Variants in MYO5B observed in about 807,000 individuals in gnomAD.
The protein encoded by MYO5B is myosin VB.
In MYO5B, 143 loss-of-function variants were observed where a neutral mutation model predicts 229.3. That is an observed-to-expected ratio of 0.62 (90% CI 0.54 to 0.72). The LOEUF (loss-of-function observed/expected upper bound fraction) is 0.72. MYO5B is among the 30% of genes least tolerant of loss of function. MYO5B has a pLI of 0.00. For synonymous variants in MYO5B, 918 were observed against 885.2 expected (o/e 1.04, Z -0.66); for missense variants, 2,321 against 2,331.0 (o/e 1.00, Z 0.09).
Position 49,895,160 on chromosome 18 carries a change from C to T in MYO5B, c.2826G>A (p.Lys942=). 1 of 1,613,856 alleles carries T rather than the reference C, an allele frequency of 6.2e-7. No individual in the cohort carries two copies. Among genetic ancestry groups the T allele is most frequent in the Non-Finnish European group, 8.5e-7 (1 of 1,179,850 alleles). The change falls in exon 22 of 40, where the codon AAG becomes AAA. Residue 942 remains lysine, a synonymous_variant. Coordinates refer to ENST00000285039, the MANE Select transcript of MYO5B (RefSeq NM_001080467.3). ...TCACGGACAACTGCTCTGAAAGTGT[C>T]TTGAACTCTTTGTTCTGTGGAGAAC... The part of the protein sequence containing the change: ...RKIDEQNKEF[K]TLSEQLSVTT...
chr18:50,049,089 G>T (rs567675658), intron 2 of MYO5B, among the ~76,000 whole-genome samples: 1 of 151,254 alleles, frequency 6.6e-6, no homozygotes, highest in East Asian at 1.9e-4. Flanking sequence ...GGTGAGTGGA[G>T]TAGCATCAAA....
intron 8 of MYO5B, among the ~76,000 whole-genome samples, chr18:49,980,992 A>T (rs2144294215): frequency 1.3e-5 from 2 of 152,312 alleles, no homozygotes; most frequent in South Asian, 4.1e-4. Flanking sequence ...CCCCAGTGCC[A>T]ATGAGGGAAG....
chr18:49,957,012 T>A (rs986445202), intron 12 of MYO5B, among the ~76,000 whole-genome samples: 1 of 152,032 alleles, frequency 6.6e-6, no homozygotes, highest in Non-Finnish European at 1.5e-5. Context: ...CACAACCTTG[T>A]GAACATACTA....
Position 49,937,345 on chromosome 18 carries a change from G to A in MYO5B, c.1805C>T (p.Thr602Ile), listed in dbSNP as rs2025262533. 6.2e-7 allele frequency: 1 copy of A among 1,613,896 alleles called. No homozygotes were observed. The highest frequency in any genetic ancestry group is 1.3e-5 in the African/African-American group (1 of 74,926). ...CGAAGATGACCCCTTCCCAGGGGTGGTGGCAGGAACAGGGTCCTTGTCATC... is the reference window on the plus strand; with the variant it reads ...CGAAGATGACCCCTTCCCAGGGGTGATGGCAGGAACAGGGTCCTTGTCATC... Reference protein sequence around the residue: ...FHDDKDPVPATTPGKGSSSKI... With the variant: ...FHDDKDPVPAITPGKGSSSKI... The change falls in exon 15 of 40, where the codon ACC becomes ATC. Residue 602 changes from threonine (T) to isoleucine (I), a missense_variant. Coordinates refer to ENST00000285039, the MANE Select transcript of MYO5B (RefSeq NM_001080467.3).
At chr18:50,086,686 G>A (rs939018381) in intron 1 of MYO5B, among the ~76,000 whole-genome samples, 1 of 152,192 alleles carries the variant, frequency 6.6e-6, no homozygotes, top group African/African-American at 2.4e-5. Flanking sequence ...TGCCAAGGCT[G>A]GGGCATTCCA....
intron 16 of MYO5B, 69 bp from the exon 17 acceptor site, chr18:49,929,667 C>T: frequency 7.4e-7 from 1 of 1,349,618 alleles, no homozygotes; most frequent in Non-Finnish European, 1.0e-6. Flanking sequence ...AAAAAAGAAA[C>T]AAAAAAGAAT....
chr18:50,140,018 TA>T (rs951575120), intron 1 of MYO5B, among the ~76,000 whole-genome samples: 2 of 137,578 alleles, frequency 1.5e-5, no homozygotes, highest in African/African-American at 5.8e-5. Flanking sequence ...ACAAACAACC[TA>T]GGGGGAAAAA....
chr18:49,973,898 T>G (rs2144280514), intron 10 of MYO5B, among the ~76,000 whole-genome samples: 1 of 152,290 alleles, frequency 6.6e-6, no homozygotes, highest in South Asian at 2.1e-4. Flanking sequence ...TGGACAAAAT[T>G]ATGGTACTAA....
intron 5 of MYO5B, among the ~76,000 whole-genome samples, chr18:49,998,808 T>G (rs189438129): frequency 2.0e-5 from 3 of 152,158 alleles, no homozygotes; most frequent in Non-Finnish European, 4.4e-5. Flanking sequence ...GTACCTAGAA[T>G]AGGCAAATTC....
chr18:49,968,441 T>C (rs1316295973), intron 10 of MYO5B, among the ~76,000 whole-genome samples: 4 of 152,264 alleles, frequency 2.6e-5, no homozygotes, highest in Non-Finnish European at 4.4e-5. Flanking sequence ...AGTGATTAAC[T>C]TCTAATCTAT....
chr18:49,829,815 C>A (rs75528393), intron 39 of MYO5B, among the ~76,000 whole-genome samples: 3 of 152,070 alleles, frequency 2.0e-5, no homozygotes, highest in East Asian at 1.9e-4. Context: ...ATGTAATATA[C>A]CACATTAACA....
At chr18:49,959,948 G>A (rs1438383424) in intron 12 of MYO5B, among the ~76,000 whole-genome samples, 9 of 152,106 alleles carry the variant, frequency 5.9e-5, no homozygotes, top group African/African-American at 2.2e-4. Context: ...ATTTTAGTCT[G>A]TGGCTTGTTT....
intron 4 of MYO5B, among the ~76,000 whole-genome samples, chr18:50,016,521 G>GC (rs2026217051): frequency 6.6e-6 from 1 of 152,220 alleles, no homozygotes; most frequent in South Asian, 2.1e-4. Context: ...ACCTACCTCT[G>GC]CCCTTGTCCC....
intron 4 of MYO5B, among the ~76,000 whole-genome samples, chr18:50,036,089 A>C (rs138875675): frequency 2.0e-5 from 3 of 152,228 alleles, no homozygotes; most frequent in African/African-American, 4.8e-5. Context: ...AGACTTTGCT[A>C]TATGTTGCCA....
At chr18:50,088,679 C>T (rs754979682) in intron 1 of MYO5B, among the ~76,000 whole-genome samples, 14 of 152,210 alleles carry the variant, frequency 9.2e-5, no homozygotes, top group Non-Finnish European at 1.6e-4. Flanking sequence ...TATGTATAAG[C>T]ACATGGCCAT....
intron 1 of MYO5B, among the ~76,000 whole-genome samples, chr18:50,133,593 CGTCT>C (rs1039726507): frequency 5.9e-5 from 9 of 152,092 alleles, no homozygotes; most frequent in Admixed American, 1.3e-4. Context: ...TCCGTCCGTC[CGTCT>C]GTCTGTCTGT....
At chr18:50,117,517 T>G (rs1379378643) in intron 1 of MYO5B, among the ~76,000 whole-genome samples, 1 of 152,080 alleles carries the variant, frequency 6.6e-6, no homozygotes, top group East Asian at 1.9e-4. Flanking sequence ...CATCGCCCCC[T>G]TTCTCCCTGG....
chr18:50,112,775 T>C (rs975658172), intron 1 of MYO5B, among the ~76,000 whole-genome samples: 2 of 152,166 alleles, frequency 1.3e-5, no homozygotes, highest in African/African-American at 2.4e-5. Context: ...AACATCCCTA[T>C]TGTCAAAATG....
chr18:50,021,955 A>C (rs952106961), intron 4 of MYO5B, among the ~76,000 whole-genome samples: 1 of 152,138 alleles, frequency 6.6e-6, no homozygotes, highest in African/African-American at 2.4e-5. Flanking sequence ...TCTACAGGTC[A>C]ACACCTGTTT....
Sources: gnomAD v4.1 joint callset for allele counts (sites outside exome capture counted in the v4.1 genomes callset) on GRCh38, gnomAD v4.1.1 for gene constraint, MANE v1.5 for transcripts, NCBI Gene and HGNC (gene_info 2026-07-23, HGNC 2026-07-21) for gene names.